USP9X: variants seen among roughly 807,000 people sequenced by gnomAD.
USP9X encodes ubiquitin specific peptidase 9 X-linked.
In USP9X, 7 loss-of-function variants were observed where a neutral mutation model predicts 190.3. That is an observed-to-expected ratio of 0.04 (90% CI 0.02 to 0.07). USP9X has a LOEUF of 0.07. Ranked by LOEUF, USP9X falls within the 10% of genes least tolerant of loss-of-function variation. The pLI is 1.00. For missense variants in USP9X, 1,010 were observed against 1,916.9 expected (o/e 0.53, Z 8.83); for synonymous variants, 645 against 659.5 (o/e 0.98, Z 0.34).
chrX:41,108,491 T>C (rs1031191844), intron 1 of USP9X, among the ~76,000 whole-genome samples: 6 of 111,580 alleles, frequency 5.4e-5, no homozygotes, highest in Admixed American at 9.6e-5. Context: ...TCCCTGGTTC[T>C]ATCTGGTAAG....
At chrX:41,092,296 A>T (rs1239342506) in intron 1 of USP9X, among the ~76,000 whole-genome samples, 1 of 111,273 alleles carries the variant, frequency 9.0e-6, no homozygotes, top group African/African-American at 3.3e-5. Context: ...GGCTATTGAG[A>T]GTTATAAGTT....
At chrX:41,165,284 G>A (rs2062669771) in intron 15 of USP9X, among the ~76,000 whole-genome samples, 1 of 111,775 alleles carries the variant, frequency 8.9e-6, no homozygotes, top group African/African-American at 3.3e-5. Context: ...GGAGTGCAGC[G>A]GCACAGTCTT....
chrX:41,184,166 T>C (rs765799797), intron 22 of USP9X, 38 bp downstream of exon 22: 14 of 1,156,903 alleles, frequency 1.2e-5, no homozygotes, highest in Non-Finnish European at 1.6e-5. Context: ...TTGTTTTCTT[T>C]GTTTTTCCTT....
At chrX:41,229,033 G>A in intron 41 of USP9X, 1 of 264,706 alleles carries the variant, frequency 3.8e-6, no homozygotes, top group Non-Finnish European at 6.6e-6. Context: ...GAACCTGGGA[G>A]GCAGGACTTG....
At chrX:41,217,492 T>A in intron 36 of USP9X, 149 bp downstream of exon 36, 1 of 645,954 alleles carries the variant, frequency 1.5e-6, no homozygotes, top group Non-Finnish European at 2.2e-6. Flanking sequence ...GAAATCATAT[T>A]AAAATAGTTA....
At chrX:41,140,575 G>A in intron 6 of USP9X, 81 bp from the exon 7 acceptor site, 1 of 627,666 alleles carries the variant, frequency 1.6e-6, no homozygotes, top group East Asian at 3.6e-5. Flanking sequence ...ACTATTTCTA[G>A]TATATTTCAA....
intron 2 of USP9X, 41 bp from the exon 3 acceptor site, chrX:41,128,959 T>G (rs768572380): frequency 3.4e-6 from 4 of 1,168,055 alleles, no homozygotes; most frequent in Non-Finnish European, 4.6e-6. Context: ...TTTACATATG[T>G]TATAGAAACT....
intron 6 of USP9X, among the ~76,000 whole-genome samples, chrX:41,139,510 A>T (rs2062404147): frequency 9.0e-6 from 1 of 111,558 alleles, no homozygotes; most frequent in Admixed American, 9.5e-5. Context: ...AAAATACAAA[A>T]ATTAGCCGGG....
intron 2 of USP9X, among the ~76,000 whole-genome samples, chrX:41,128,219 A>G (rs1281085674): frequency 2.7e-5 from 3 of 112,267 alleles, no homozygotes; most frequent in African/African-American, 9.7e-5. Flanking sequence ...GAAGTTATAA[A>G]TTACTTTATA....
At chrX:41,150,201 G>A (rs1266074773) in intron 12 of USP9X, among the ~76,000 whole-genome samples, 6 of 109,923 alleles carry the variant, frequency 5.5e-5, no homozygotes, top group African/African-American at 2.0e-4. Context: ...TTCCCTGTAC[G>A]CAAAAGTAAA....
At chrX:41,181,952 A>G (rs1425999530) in intron 21 of USP9X, among the ~76,000 whole-genome samples, 1 of 111,789 alleles carries the variant, frequency 8.9e-6, no homozygotes, top group Non-Finnish European at 1.9e-5. Context: ...TCTGGCTTCC[A>G]TTTTTTATAA....
At chrX:41,228,826 TTAA>T (rs918316947) in intron 41 of USP9X, among the ~76,000 whole-genome samples, 3 of 112,061 alleles carry the variant, frequency 2.7e-5, no homozygotes, top group Non-Finnish European at 5.6e-5. Flanking sequence ...GTTAAAAGTT[TTAA>T]TAATAAGGCC....
At chrX:41,103,201 A>G (rs183467654) in intron 1 of USP9X, among the ~76,000 whole-genome samples, 3 of 112,816 alleles carry the variant, frequency 2.7e-5, no homozygotes, top group East Asian at 5.5e-4. Flanking sequence ...TTAAGTCAAC[A>G]TTGCTCACCT....
chrX:41,098,602 G>A (rs1313378968), intron 1 of USP9X, among the ~76,000 whole-genome samples: 1 of 110,480 alleles, frequency 9.1e-6, no homozygotes, highest in East Asian at 2.8e-4. Context: ...CTGTTGCCCA[G>A]GCTGGAGTGC....
rs2063394813 is a variant in USP9X at position 41,235,740 on chromosome X, T to C, written c.*3216T>C. 8.9e-6 allele frequency: 1 copy of C among 111,959 alleles called. No homozygotes were observed. The highest frequency in any genetic ancestry group is 1.9e-5 in the Non-Finnish European group (1 of 53,127). The allele number at this position is 111,959 out of a possible 1,213,427, so 9.2% of individuals were successfully genotyped here. A position where few individuals can be genotyped will look rare whatever the true frequency, so the allele number is the denominator to read the frequency against. On this transcript the variant is annotated 3_prime_UTR_variant, in exon 45 of 45. Coordinates refer to ENST00000378308, the MANE Select transcript of USP9X (RefSeq NM_001039591.3). ...TCATTGATTTTTCTCCTGGTGATAA[T>C]TTCCCAGCCTTGTGTCTTTTAGCTG...
Position 41,233,365 on chromosome X carries a change from T to A in USP9X, c.*841T>A, listed in dbSNP as rs1409119093. 8.9e-6 allele frequency: 1 copy of A among 112,331 alleles called. No homozygotes were observed. The highest frequency in any genetic ancestry group is 2.8e-4 in the East Asian group (1 of 3,623). 9.3% of individuals were successfully genotyped at this position (112,331 alleles called of 1,213,427 possible). ...GCACATATGTTCCTTATATATAATGTTTGACAGTTCAATCTCTGGGTGGAA... is the reference window on the plus strand; with the variant it reads ...GCACATATGTTCCTTATATATAATGATTGACAGTTCAATCTCTGGGTGGAA... On this transcript the variant is annotated 3_prime_UTR_variant, in exon 45 of 45. Transcript: ENST00000378308.
intron 1 of USP9X, among the ~76,000 whole-genome samples, chrX:41,098,531 G>T (rs1424584513): frequency 1.8e-5 from 2 of 109,574 alleles, no homozygotes; most frequent in Non-Finnish European, 3.8e-5. Flanking sequence ...GGCTGCTGTT[G>T]CTCAATACAT....
chrX:41,196,582 C>CT lies in USP9X; in HGVS notation c.4087-9dup, dbSNP rs888777141. 2 of 1,202,746 alleles carry CT rather than the reference C, an allele frequency of 1.7e-6. No individual in the cohort carries two copies. Among genetic ancestry groups the CT allele is most frequent in the African/African-American group, 3.5e-5 (2 of 56,774 alleles). On this transcript the variant is annotated splice_polypyrimidine_tract_variant and intron_variant, in intron 27 of 44. Transcript: ENST00000378308. ...ACGTGTAAATTGATATTATTCTACT[C>CT]TGTTTCCAGAGCACAGCAAGAGAGA...
At chrX:41,134,296 A>G (rs1275670651) in intron 4 of USP9X, among the ~76,000 whole-genome samples, 10 of 112,504 alleles carry the variant, frequency 8.9e-5, no homozygotes, top group African/African-American at 3.2e-4. Context: ...GATATAAAGA[A>G]ACAGAGACAC....
Sources: gnomAD v4.1 joint callset for allele counts (sites outside exome capture counted in the v4.1 genomes callset) on GRCh38, gnomAD v4.1.1 for gene constraint, MANE v1.5 for transcripts, NCBI Gene and HGNC (gene_info 2026-07-23, HGNC 2026-07-21) for gene names.